Variants in TASP1 observed in about 807,000 individuals in gnomAD.
The protein encoded by TASP1 is taspase 1.
A neutral mutation model predicts 56.6 loss-of-function variants in TASP1; 16 were observed. The observed-to-expected ratio is 0.28, with a 90% CI of 0.19 to 0.43. The LOEUF is 0.43. TASP1 is among the 20% of genes least tolerant of loss of function. The pLI, the probability that TASP1 is intolerant of heterozygous loss-of-function variation, is 1.00. For synonymous variants in TASP1, 179 were observed against 184.2 expected (o/e 0.97, Z 0.23); for missense variants, 393 against 511.6 (o/e 0.77, Z 2.24).
At chr20:13,382,277 T>C in the TASP1 span, among the ~76,000 whole-genome samples, 1 of 152,230 alleles carries the variant, frequency 6.6e-6, no homozygotes, top group Admixed American at 6.5e-5. Context: ...ATTTTCCAAA[T>C]ACTCTGGGAA....
At chr20:13,544,261 A>G (rs950209773) in intron 8 of TASP1, among the ~76,000 whole-genome samples, 4 of 152,134 alleles carry the variant, frequency 2.6e-5, no homozygotes, top group Non-Finnish European at 5.9e-5. Context: ...CTATGAGGTC[A>G]TTTGGTACTG....
At chr20:13,204,550 TA>T in the TASP1 span, among the ~76,000 whole-genome samples, 3 of 151,504 alleles carry the variant, frequency 2.0e-5, no homozygotes, top group African/African-American at 4.8e-5. Context: ...TATATATGTA[TA>T]TTTTTTGAGA....
the TASP1 span, among the ~76,000 whole-genome samples, chr20:13,195,835 C>T: frequency 6.6e-6 from 1 of 152,146 alleles, no homozygotes; most frequent in Non-Finnish European, 1.5e-5. Context: ...TAAGTTCTTT[C>T]TGTGTGTTTT....
the TASP1 span, among the ~76,000 whole-genome samples, chr20:13,108,547 C>T: frequency 2.0e-5 from 3 of 152,162 alleles, no homozygotes; most frequent in African/African-American, 7.2e-5. Flanking sequence ...GTGGTCAAAA[C>T]CAGTACTGAC....
At position 13,557,651 on chromosome 20, in the gene TASP1, G is replaced by A. The variant is rs1297142735; in HGVS notation, c.675+1357C>T. Among the ~76,000 whole-genome samples the A allele has an allele frequency of 2.1e-5, 3 of 145,472 alleles. No homozygotes were observed. In the East Asian group the frequency reaches 6.0e-4, roughly 29 times the overall value. ...GCTAGAGCACAGTGACATGATCACGGCTCACTGCAGCCTTGACACCCCAGA... is the reference window on the plus strand; with the variant it reads ...GCTAGAGCACAGTGACATGATCACGACTCACTGCAGCCTTGACACCCCAGA... On this transcript the variant is annotated intron_variant, in intron 8 of 13. Coordinates refer to ENST00000337743, the MANE Select transcript of TASP1 (RefSeq NM_017714.3).
At chr20:13,532,951 A>C (rs956705242) in intron 9 of TASP1, among the ~76,000 whole-genome samples, 4 of 152,344 alleles carry the variant, frequency 2.6e-5, no homozygotes, top group East Asian at 1.9e-4. Flanking sequence ...ACATACGTTG[A>C]GTAATCATTC....
the TASP1 span, among the ~76,000 whole-genome samples, chr20:13,378,231 T>A: frequency 0.63 from 95,588 of 152,000 alleles, 30,332 homozygotes; most frequent in Non-Finnish European, 0.67. Context: ...ATTTCCCTCT[T>A]AACACTGCTT....
intron 10 of TASP1, among the ~76,000 whole-genome samples, chr20:13,520,061 A>C (rs1164030567): frequency 6.6e-6 from 1 of 152,216 alleles, no homozygotes; most frequent in Non-Finnish European, 1.5e-5. Flanking sequence ...AATCCAACTT[A>C]CAAGGGAAGT....
At chr20:13,606,675 T>C (rs2048167764) in intron 4 of TASP1, among the ~76,000 whole-genome samples, 1 of 151,704 alleles carries the variant, frequency 6.6e-6, no homozygotes, top group Non-Finnish European at 1.5e-5. Context: ...GGCGTGGTAG[T>C]GGGCGCCTGT....
chr20:13,630,109 G>A lies in TASP1; in HGVS notation c.-31C>T. ...AAGATTACCATCTTCTACTGAGAAA[G>A]GGGCATACTTCCATCCAAAAGTAAT... is the stretch of plus-strand genomic sequence containing the variant. On this transcript the variant is annotated 5_prime_UTR_variant, in exon 2 of 14. Transcript: ENST00000337743. 6.2e-7 allele frequency: 1 copy of A among 1,601,844 alleles called. No homozygotes were observed. The highest frequency in any genetic ancestry group is 8.5e-7 in the Non-Finnish European group (1 of 1,175,938).
At chr20:13,147,188 A>G in the TASP1 span, among the ~76,000 whole-genome samples, 1 of 152,240 alleles carries the variant, frequency 6.6e-6, no homozygotes, top group Non-Finnish European at 1.5e-5. Context: ...GAGCCCTTGG[A>G]ACATGTGTAT....
intron 1 of TASP1, among the ~76,000 whole-genome samples, chr20:13,633,664 A>T (rs6042266): frequency 0.34 from 51,924 of 151,922 alleles, 11,328 homozygotes; most frequent in African/African-American, 0.63. Flanking sequence ...TTTATCATAT[A>T]TGTAATCATT....
At chr20:13,297,546 CCTGGA>C in the TASP1 span, among the ~76,000 whole-genome samples, 1 of 152,164 alleles carries the variant, frequency 6.6e-6, no homozygotes, top group Admixed American at 6.5e-5. Context: ...AACCTGAAGT[CCTGGA>C]CTCAGATGAC....
chr20:13,287,183 G>A, the TASP1 span, among the ~76,000 whole-genome samples: 1 of 152,238 alleles, frequency 6.6e-6, no homozygotes, highest in Non-Finnish European at 1.5e-5. Context: ...ATAAAGGAAA[G>A]AGATTTAATG....
At chr20:13,552,993 T>C (rs1334841946) in intron 8 of TASP1, among the ~76,000 whole-genome samples, 2 of 152,132 alleles carry the variant, frequency 1.3e-5, no homozygotes, top group East Asian at 3.9e-4. Flanking sequence ...TGGAGTGCAG[T>C]AGCATGATTA....
intron 11 of TASP1, among the ~76,000 whole-genome samples, chr20:13,476,671 A>G (rs2042960795): frequency 6.6e-6 from 1 of 152,150 alleles, no homozygotes; most frequent in Non-Finnish European, 1.5e-5. Flanking sequence ...CATAGCTGTC[A>G]ATGAATAATT....
chr20:13,141,628 A>G, the TASP1 span, among the ~76,000 whole-genome samples: 2 of 152,240 alleles, frequency 1.3e-5, no homozygotes, highest in South Asian at 4.1e-4. Context: ...GGCCCTTGGC[A>G]TTGTTGACAG....
chr20:13,486,865 C>T (rs1390559705), intron 10 of TASP1, among the ~76,000 whole-genome samples: 1 of 152,142 alleles, frequency 6.6e-6, no homozygotes, highest in Non-Finnish European at 1.5e-5. Flanking sequence ...GCAAAAAGAC[C>T]TACAGTTGCA....
chr20:13,517,656 G>T (rs1319745278), intron 10 of TASP1, among the ~76,000 whole-genome samples: 2 of 151,948 alleles, frequency 1.3e-5, no homozygotes, highest in South Asian at 2.1e-4. Flanking sequence ...GTAACATGTC[G>T]CACTGAATGA....
Sources: allele counts gnomAD v4.1 joint callset (sites outside exome capture counted in the v4.1 genomes callset), GRCh38; gene constraint gnomAD v4.1.1; transcripts MANE v1.5; gene names NCBI Gene and HGNC (gene_info 2026-07-23, HGNC 2026-07-21).